The following TAFA1 variants were observed in gnomAD, a reference collection of about 807,000 sequenced individuals.
The protein encoded by TAFA1 is TAFA chemokine like family member 1, also known as chemokine-like protein TAFA-1.
A neutral mutation model predicts 18.5 loss-of-function variants in TAFA1; 4 were observed. The observed-to-expected ratio is 0.22, with a 90% CI of 0.11 to 0.49. The LOEUF (loss-of-function observed/expected upper bound fraction) is 0.49, where lower values mean the gene tolerates loss of function less well. Ranked by LOEUF, TAFA1 falls within the 20% of genes least tolerant of loss-of-function variation. The pLI is 0.98. For missense variants in TAFA1, 147 were observed against 169.0 expected, an observed-to-expected ratio of 0.87 and a Z score of 0.72; for synonymous variants, 56 against 55.2, an observed-to-expected ratio of 1.01 and a Z score of -0.06.
At chr3:68,354,917 C>G (rs914914092) in intron 2 of TAFA1, among the ~76,000 whole-genome samples, 2 of 151,980 alleles carry the variant, frequency 1.3e-5, no homozygotes, top group African/African-American at 4.8e-5. Flanking sequence ...AAAGGCCTCA[C>G]CTCTCAATAC....
At chr3:68,179,468 T>A (rs1316331608) in intron 2 of TAFA1, among the ~76,000 whole-genome samples, 1 of 152,222 alleles carries the variant, frequency 6.6e-6, no homozygotes, top group South Asian at 2.1e-4. Context: ...TTTTCCTCCT[T>A]TTAACATTGG....
the TAFA1 span, among the ~76,000 whole-genome samples, chr3:67,992,554 T>G: frequency 2.0e-5 from 3 of 152,240 alleles, no homozygotes. Flanking sequence ...GCATACTTCA[T>G]GTGCCCTCAG....
chr3:68,206,804 C>G (rs2066532467), intron 2 of TAFA1, among the ~76,000 whole-genome samples: 2 of 151,966 alleles, frequency 1.3e-5, no homozygotes, highest in East Asian at 3.9e-4. Flanking sequence ...GTAGTTGTAC[C>G]TCATTGGACT....
chr3:68,431,790 A>G (rs1027551726), intron 3 of TAFA1, among the ~76,000 whole-genome samples: 1 of 152,028 alleles, frequency 6.6e-6, no homozygotes. Context: ...AAATTAAAGA[A>G]GGAAGAAGTT....
chr3:68,231,612 G>A (rs909948414), intron 2 of TAFA1, among the ~76,000 whole-genome samples: 5 of 150,524 alleles, frequency 3.3e-5, no homozygotes, highest in African/African-American at 7.3e-5. Flanking sequence ...CACCCGCCTC[G>A]GCCTCCCAAA....
intron 3 of TAFA1, among the ~76,000 whole-genome samples, chr3:68,499,438 G>C (rs13062443): frequency 0.81 from 115,760 of 142,914 alleles, 47,082 homozygotes; most frequent in African/African-American, 0.91. Flanking sequence ...TTCTTTCTGT[G>C]TTCCTTTCTT....
chr3:68,059,265 C>T (rs941011254), intron 2 of TAFA1, among the ~76,000 whole-genome samples: 6 of 151,902 alleles, frequency 3.9e-5, no homozygotes, highest in East Asian at 3.8e-4. Context: ...ATCACACACA[C>T]GCATGCACAC....
chr3:67,998,646 T>A, the TAFA1 span, among the ~76,000 whole-genome samples: 1 of 152,198 alleles, frequency 6.6e-6, no homozygotes. Flanking sequence ...CTTGTTCCTA[T>A]GTGGATGAGG....
At chr3:68,464,074 G>A (rs1032303473) in intron 3 of TAFA1, among the ~76,000 whole-genome samples, 8 of 152,058 alleles carry the variant, frequency 5.3e-5, no homozygotes, top group Non-Finnish European at 7.4e-5. Context: ...ATAGACAAAG[G>A]AACATTGATT....
chr3:68,229,195 G>A (rs2066841117), intron 2 of TAFA1, among the ~76,000 whole-genome samples: 1 of 152,148 alleles, frequency 6.6e-6, no homozygotes, highest in East Asian at 1.9e-4. Context: ...GTCATAGTGA[G>A]TATTTCCTCA....
chr3:68,492,824 A>G (rs964523553), intron 3 of TAFA1, among the ~76,000 whole-genome samples: 3 of 152,172 alleles, frequency 2.0e-5, no homozygotes, highest in African/African-American at 7.2e-5. Flanking sequence ...TTAAAGGAGA[A>G]AGCACTTGAT....
intron 3 of TAFA1, among the ~76,000 whole-genome samples, chr3:68,498,721 G>GTTTTTTTTTTTTTTTTTTTTTTTTTTTT (rs1559694779): frequency 9.8e-6 from 1 of 101,722 alleles, no homozygotes; most frequent in African/African-American, 5.3e-5. Context: ...CCGTTTGGTG[G>GTTTTTTTTTTTTTTTTTTTTTTTTTTTT]CTTTTTTTTT....
chr3:68,436,107 A>T (rs1456409840), intron 3 of TAFA1, among the ~76,000 whole-genome samples: 1 of 152,148 alleles, frequency 6.6e-6, no homozygotes, highest in Non-Finnish European at 1.5e-5. Context: ...ATGGATTGAA[A>T]TTCTGGCTCT....
chr3:68,421,988 A>C (rs1040871216), intron 3 of TAFA1, among the ~76,000 whole-genome samples: 1 of 152,112 alleles, frequency 6.6e-6, no homozygotes, highest in African/African-American at 2.4e-5. Context: ...AAAATTTCAG[A>C]GATACATCCA....
intron 2 of TAFA1, among the ~76,000 whole-genome samples, chr3:68,107,208 A>C (rs2065213811): frequency 2.6e-5 from 4 of 152,104 alleles, no homozygotes. Context: ...AAATGCTACA[A>C]ATCAGAGACT....
chr3:68,132,225 C>A (rs2065548738), intron 2 of TAFA1, among the ~76,000 whole-genome samples: 1 of 152,180 alleles, frequency 6.6e-6, no homozygotes, highest in Non-Finnish European at 1.5e-5. Context: ...CTTTTTATGG[C>A]TGCATAGTAT....
At chr3:68,246,967 T>A (rs918944866) in intron 2 of TAFA1, 2 of 152,184 alleles carry the variant, frequency 1.3e-5, no homozygotes, top group African/African-American at 4.8e-5. Flanking sequence ...CTCTGTCAGT[T>A]AAATGCCGTA....
At chr3:68,282,870 C>A (rs1385528839) in intron 2 of TAFA1, among the ~76,000 whole-genome samples, 1 of 152,134 alleles carries the variant, frequency 6.6e-6, no homozygotes, top group Non-Finnish European at 1.5e-5. Flanking sequence ...TGTTGGTCAG[C>A]TGATCCATGA....
chr3:68,492,563 G>C (rs2072472733), intron 3 of TAFA1, among the ~76,000 whole-genome samples: 1 of 152,092 alleles, frequency 6.6e-6, no homozygotes, highest in Non-Finnish European at 1.5e-5. Flanking sequence ...CAACTTCTCT[G>C]TTGTTTTATT....
Sources: allele counts gnomAD v4.1 joint callset (sites outside exome capture counted in the v4.1 genomes callset), GRCh38; gene constraint gnomAD v4.1.1; transcripts MANE v1.5; gene names NCBI Gene and HGNC (gene_info 2026-07-23, HGNC 2026-07-21).